PTCD3: variants seen among roughly 807,000 people sequenced by gnomAD.
PTCD3 encodes the protein pentatricopeptide repeat domain 3.
A neutral mutation model predicts 101.9 loss-of-function variants in PTCD3; 89 were observed. That is an observed-to-expected ratio of 0.87 (90% confidence interval 0.74 to 1.04). PTCD3 has a LOEUF of 1.04. Among genes scored for constraint, PTCD3 ranks in the 50% least tolerant of loss-of-function variants. PTCD3 has a pLI of 0.00. For missense variants in PTCD3, 870 were observed against 828.2 expected, an observed-to-expected ratio of 1.05 and a Z score of -0.62; for synonymous variants, 296 against 278.5, an observed-to-expected ratio of 1.06 and a Z score of -0.63.
Position 86,137,760 on chromosome 2 carries a change from G to A in PTCD3, c.*201G>A. 5 of 643,766 alleles carry A rather than the reference G, an allele frequency of 7.8e-6. No homozygotes were observed. The highest frequency in any genetic ancestry group is 1.3e-5 in the Non-Finnish European group (5 of 396,352). 39.9% of individuals were successfully genotyped at this position (643,766 alleles called of 1,614,324 possible). On this transcript the variant is annotated 3_prime_UTR_variant, in exon 24 of 24. Transcript: ENST00000254630. ...ATATGCTACTTAACCATCTATTAAT[G>A]CACCATTAAAGGCTTAGCATTTAAG...
chr2:86,125,792 C>A lies in PTCD3; in HGVS notation c.866-3C>A. Reference sequence around the variant, plus strand: ...CAAATTTTATCATTTTATTATTTTACAGCTGATGTATACACATTTAATGCA... The same window carrying A: ...CAAATTTTATCATTTTATTATTTTAAAGCTGATGTATACACATTTAATGCA... On this transcript the variant is annotated splice_region_variant and splice_polypyrimidine_tract_variant and intron_variant, in intron 11 of 23. Transcript: ENST00000254630. The A allele has an allele frequency of 6.3e-7, 1 of 1,582,992 alleles. No individual in the cohort carries two copies. The highest frequency in any genetic ancestry group is 8.6e-7 in the Non-Finnish European group (1 of 1,158,754).
chr2:86,136,773 A>G (rs1042444294), intron 22 of PTCD3: 30 of 803,272 alleles, frequency 3.7e-5, no homozygotes, highest in Admixed American at 2.5e-4. Context: ...ATAGATCATC[A>G]TGAAGTCATA....
intron 14 of PTCD3, among the ~76,000 whole-genome samples, chr2:86,128,642 C>CT (rs1470489546): frequency 6.6e-6 from 1 of 152,104 alleles, no homozygotes; most frequent in Non-Finnish European, 1.5e-5. Flanking sequence ...GAAAGGTAAA[C>CT]TTATTGTGAA....
Position 86,127,545 on chromosome 2 carries a change from G to C in PTCD3, c.1096+240G>C, listed in dbSNP as rs541125047. ...GGATCTGTTGAATCTGAGGAGAAGTGATTGCTTTGAGTTAGCTAGTTTTAA... is the reference window on the plus strand; with the variant it reads ...GGATCTGTTGAATCTGAGGAGAAGTCATTGCTTTGAGTTAGCTAGTTTTAA... On this transcript the variant is annotated intron_variant, in intron 13 of 23. Coordinates refer to ENST00000254630, the MANE Select transcript of PTCD3 (RefSeq NM_017952.6). 40 of 505,408 alleles carry C rather than the reference G, an allele frequency of 7.9e-5. No homozygotes were observed. The East Asian group carries it at 1.3e-3, about 16-fold the overall frequency. 31.3% of individuals were successfully genotyped at this position (505,408 alleles called of 1,614,324 possible).
chr2:86,125,548 C>G (rs1444187215), intron 11 of PTCD3, 33 bp downstream of exon 11: 3 of 1,560,460 alleles, frequency 1.9e-6, no homozygotes. Context: ...GTCCCTTTCT[C>G]CATTTCCTTC....
chr2:86,136,132 G>A, intron 21 of PTCD3: 1 of 460,728 alleles, frequency 2.2e-6, no homozygotes, highest in Non-Finnish European at 4.2e-6. Context: ...TAGAAGGACA[G>A]TGGTGATCCT....
chr2:86,133,123 C>T lies in PTCD3; in HGVS notation c.1374-55C>T, dbSNP rs949016696. 6.3e-6 allele frequency: 10 copies of T among 1,575,744 alleles called. No individual in the cohort carries two copies. The African/African-American group carries it at 1.4e-4, about 22-fold the overall frequency. ...TGCTATAATTTCAACCCTTATTTCC[C>T]CTGTTGTTAGACATAGGGACTTTAG... On this transcript the variant is annotated intron_variant, in intron 17 of 23. Coordinates refer to ENST00000254630, the MANE Select transcript of PTCD3 (RefSeq NM_017952.6).
intron 7 of PTCD3, chr2:86,119,655 T>C (rs1674245798): frequency 1.3e-5 from 2 of 152,332 alleles, no homozygotes; most frequent in South Asian, 4.1e-4. Context: ...CGCGCCCAGC[T>C]TTCCTAGACT....
Position 86,134,936 on chromosome 2 carries a change from T to C in PTCD3, c.1727T>C (p.Leu576Pro), listed in dbSNP as rs757571161. 1 of 1,614,108 alleles carries C rather than the reference T, an allele frequency of 6.2e-7. No homozygotes were observed. The highest frequency in any genetic ancestry group is 2.2e-5 in the East Asian group (1 of 44,878). ...QTAQDWPATS[L>P]NCIAILFLRA... ...GCTCAGGATTGGCCAGCCACCTCTC[T>C]CAACTGTATAGCTATCCTCTTTTTA... Residue 576 changes from leucine to proline, a missense_variant, in exon 21 of 24, where the codon CTC (leucine) becomes CCC (proline). Transcript: ENST00000254630.
intron 20 of PTCD3, 81 bp from the exon 21 acceptor site, chr2:86,134,758 T>G: frequency 6.7e-7 from 1 of 1,489,316 alleles, no homozygotes; most frequent in South Asian, 1.2e-5. Context: ...TGCTCAGATT[T>G]TAAGGATCCT....
intron 3 of PTCD3, 88 bp from the exon 4 acceptor site, chr2:86,111,025 T>C (rs1267966565): frequency 8.5e-7 from 1 of 1,174,930 alleles, no homozygotes; most frequent in South Asian, 1.2e-5. Context: ...ACTATGTTAT[T>C]GGCCAGTACA....
At chr2:86,133,961 C>G (rs1674535399) in intron 19 of PTCD3, among the ~76,000 whole-genome samples, 1 of 152,142 alleles carries the variant, frequency 6.6e-6, no homozygotes, top group Admixed American at 6.5e-5. Flanking sequence ...AGGCTCTAGT[C>G]CCGCCCTCCT....
intron 4 of PTCD3, among the ~76,000 whole-genome samples, chr2:86,115,485 A>G (rs1402900007): frequency 6.6e-6 from 1 of 152,168 alleles, no homozygotes; most frequent in Non-Finnish European, 1.5e-5. Context: ...GGTGAGGCTC[A>G]AGGGAAAGGG....
At chr2:86,127,919 T>C (rs1200168369) in intron 13 of PTCD3, 22 bp from the exon 14 acceptor site, 1 of 1,590,472 alleles carries the variant, frequency 6.3e-7, no homozygotes, top group Non-Finnish European at 8.6e-7. Flanking sequence ...GTTTATTTTT[T>C]CTGTCTACCT....
At chr2:86,125,399 G>C (rs1405284465) in intron 10 of PTCD3, 56 bp from the exon 11 acceptor site, 8 of 1,527,776 alleles carry the variant, frequency 5.2e-6, no homozygotes, top group African/African-American at 1.4e-5. Context: ...GGACAGAAAT[G>C]TGCAAGGACT....
chr2:86,132,971 A>T, intron 17 of PTCD3: 1 of 664,822 alleles, frequency 1.5e-6, no homozygotes, highest in Non-Finnish European at 2.4e-6. Flanking sequence ...GGAAACAGTT[A>T]GAAATGACCA....
At chr2:86,111,630 A>G (rs1408374173) in intron 4 of PTCD3, among the ~76,000 whole-genome samples, 5 of 152,200 alleles carry the variant, frequency 3.3e-5, no homozygotes, top group Non-Finnish European at 7.3e-5. Context: ...CAGGTGGCTC[A>G]TGAATGTGAT....
rs1210073409 is a variant in PTCD3 at position 86,142,125 on chromosome 2, G to GT, written c.*4570dup. 9 of 152,152 alleles carry GT rather than the reference G, an allele frequency of 5.9e-5. No individual in the cohort carries two copies. Among genetic ancestry groups the GT allele is most frequent in the African/African-American group, 2.2e-4 (9 of 41,500 alleles). 9.4% of individuals were successfully genotyped at this position (152,152 alleles called of 1,614,324 possible). On this transcript the variant is annotated 3_prime_UTR_variant, in exon 24 of 24. Transcript: ENST00000254630. ...AGAAGCTTGTAGTCTTCATTATTTT[G>GT]TTTTACAGGTTAAAATAAACCACTT...
At chr2:86,129,778 T>A (rs988089913) in intron 14 of PTCD3, among the ~76,000 whole-genome samples, 1 of 152,176 alleles carries the variant, frequency 6.6e-6, no homozygotes, top group Non-Finnish European at 1.5e-5. Context: ...TTGAGTAAAT[T>A]GTGAAACTCT....
Sources: allele counts gnomAD v4.1 joint callset (sites outside exome capture counted in the v4.1 genomes callset), GRCh38; gene constraint gnomAD v4.1.1; transcripts MANE v1.5; gene names NCBI Gene and HGNC (gene_info 2026-07-23, HGNC 2026-07-21).